The following TMEM163 variants were observed in gnomAD, a reference collection of about 807,000 sequenced individuals.
TMEM163 encodes transmembrane protein 163.
TMEM163 carries 17 observed loss-of-function variants against 29.3 expected under a neutral mutation model. The ratio of observed to expected loss-of-function variants is 0.58; its 90% confidence interval spans 0.40 to 0.87. TMEM163 has a LOEUF of 0.87. Ranked by LOEUF, TMEM163 falls within the 40% of genes least tolerant of loss-of-function variation. The probability of loss-of-function intolerance (pLI) is 0.00; values close to 1 mark genes in which losing one functional copy is unlikely to be tolerated. For missense variants in TMEM163, 303 were observed against 381.5 expected, an observed-to-expected ratio of 0.79 and a Z score of 1.71; for synonymous variants, 157 against 160.6, an observed-to-expected ratio of 0.98 and a Z score of 0.17.
intron 5 of TMEM163, among the ~76,000 whole-genome samples, chr2:134,495,524 C>T (rs1431478514): frequency 6.6e-6 from 1 of 152,202 alleles, no homozygotes; most frequent in Non-Finnish European, 1.5e-5. Flanking sequence ...GAACATGGTG[C>T]ATACACAGAA....
chr2:134,592,343 T>C (rs1423641167), intron 2 of TMEM163, among the ~76,000 whole-genome samples: 1 of 152,198 alleles, frequency 6.6e-6, no homozygotes, highest in Admixed American at 6.5e-5. Flanking sequence ...TTAATATTCT[T>C]TACAGATGCA....
At chr2:134,531,809 T>C (rs1323664981) in intron 4 of TMEM163, among the ~76,000 whole-genome samples, 1 of 152,152 alleles carries the variant, frequency 6.6e-6, no homozygotes, top group Non-Finnish European at 1.5e-5. Context: ...GCATAATTGA[T>C]TAAACCACTG....
chr2:134,528,986 A>G (rs976844953), intron 4 of TMEM163, among the ~76,000 whole-genome samples: 4 of 152,200 alleles, frequency 2.6e-5, no homozygotes, highest in Non-Finnish European at 4.4e-5. Flanking sequence ...AAGTGGGGGG[A>G]AAAGCAGGAT....
chr2:134,639,591 G>A (rs568116981), intron 2 of TMEM163, among the ~76,000 whole-genome samples: 4 of 152,196 alleles, frequency 2.6e-5, no homozygotes, highest in African/African-American at 4.8e-5. Flanking sequence ...GACACAGGCT[G>A]TCGTCTAAAT....
At chr2:134,707,590 T>A (rs1041472577) in intron 2 of TMEM163, among the ~76,000 whole-genome samples, 1 of 151,670 alleles carries the variant, frequency 6.6e-6, no homozygotes, top group Non-Finnish European at 1.5e-5. Flanking sequence ...ATTTCAGGGG[T>A]AGGGGAAACA....
intron 1 of TMEM163, among the ~76,000 whole-genome samples, chr2:134,718,011 G>C (rs1006666766): frequency 2.6e-5 from 4 of 152,218 alleles, no homozygotes; most frequent in African/African-American, 9.6e-5. Context: ...GTCAGTGGAG[G>C]GGAGCTCTGA....
At chr2:134,671,973 T>G in intron 2 of TMEM163, among the ~76,000 whole-genome samples, 1 of 152,362 alleles carries the variant, frequency 6.6e-6, no homozygotes. Context: ...ATGGTGAATG[T>G]TCATATATGT....
intron 5 of TMEM163, among the ~76,000 whole-genome samples, chr2:134,475,194 A>G (rs900160675): frequency 1.3e-5 from 2 of 152,166 alleles, no homozygotes; most frequent in Admixed American, 6.5e-5. Context: ...AGAACAAAAT[A>G]GCCTAGAAAT....
intron 5 of TMEM163, among the ~76,000 whole-genome samples, chr2:134,481,494 G>A (rs1274866465): frequency 1.3e-5 from 2 of 152,210 alleles, no homozygotes; most frequent in South Asian, 4.1e-4. Flanking sequence ...GCTGCAATGT[G>A]AGGCGTGCCT....
intron 4 of TMEM163, among the ~76,000 whole-genome samples, chr2:134,503,672 G>T (rs1401412167): frequency 2.6e-5 from 4 of 152,186 alleles, no homozygotes; most frequent in African/African-American, 9.6e-5. Context: ...CTAAAAGGCA[G>T]AAATGAGGGG....
chr2:134,489,117 C>T (rs1012295792), intron 5 of TMEM163, among the ~76,000 whole-genome samples: 1 of 152,228 alleles, frequency 6.6e-6, no homozygotes, highest in East Asian at 1.9e-4. Flanking sequence ...GTACATACTA[C>T]CATGAGAGTA....
chr2:134,666,619 C>T (rs573728952), intron 2 of TMEM163, among the ~76,000 whole-genome samples: 2 of 152,318 alleles, frequency 1.3e-5, no homozygotes, highest in East Asian at 3.9e-4. Context: ...GGGGAAGCAA[C>T]CTTTGAGGCT....
At chr2:134,491,922 A>T (rs1265149308) in intron 5 of TMEM163, among the ~76,000 whole-genome samples, 1 of 152,166 alleles carries the variant, frequency 6.6e-6, no homozygotes, top group Non-Finnish European at 1.5e-5. Flanking sequence ...TGACAAACAA[A>T]TCCTACTGTA....
At chr2:134,496,374 T>C (rs533383865) in intron 5 of TMEM163, among the ~76,000 whole-genome samples, 1 of 152,304 alleles carries the variant, frequency 6.6e-6, no homozygotes, top group South Asian at 2.1e-4. Flanking sequence ...AAACCTAACA[T>C]ATCTTTGACA....
chr2:134,615,639 A>G (rs1682592676), intron 2 of TMEM163, among the ~76,000 whole-genome samples: 1 of 151,346 alleles, frequency 6.6e-6, no homozygotes, highest in South Asian at 2.1e-4. Context: ...TCAGCTGCAA[A>G]CAAGAGCAGA....
At chr2:134,582,125 CAAG>C (rs1681708944) in intron 2 of TMEM163, among the ~76,000 whole-genome samples, 1 of 152,082 alleles carries the variant, frequency 6.6e-6, no homozygotes, top group Non-Finnish European at 1.5e-5. Context: ...AAAGGGAAGA[CAAG>C]AAGATCGCCA....
intron 2 of TMEM163, among the ~76,000 whole-genome samples, chr2:134,596,614 A>G (rs1682089680): frequency 6.6e-6 from 1 of 152,200 alleles, no homozygotes; most frequent in Non-Finnish European, 1.5e-5. Context: ...TTGGTTCCAT[A>G]TGAACTTTAG....
At chr2:134,687,915 T>C (rs1684381730) in intron 2 of TMEM163, among the ~76,000 whole-genome samples, 2 of 151,840 alleles carry the variant, frequency 1.3e-5, no homozygotes, top group African/African-American at 4.8e-5. Flanking sequence ...AGAAAAGGGA[T>C]TTACATGGGG....
intron 2 of TMEM163, among the ~76,000 whole-genome samples, chr2:134,593,818 T>TG (rs1681995839): frequency 6.6e-6 from 1 of 151,984 alleles, no homozygotes; most frequent in African/African-American, 2.4e-5. Context: ...AATTTTTTTT[T>TG]TTTTTTTACA....
Sources: gnomAD v4.1 joint callset for allele counts (sites outside exome capture counted in the v4.1 genomes callset) on GRCh38, gnomAD v4.1.1 for gene constraint, MANE v1.5 for transcripts, NCBI Gene and HGNC (gene_info 2026-07-23, HGNC 2026-07-21) for gene names.